OXCT1: variants seen among roughly 807,000 people sequenced by gnomAD.
OXCT1 encodes the protein succinyl-CoA:3-ketoacid coenzyme A transferase 1, mitochondrial.
Under a neutral mutation model 69.6 loss-of-function variants are expected in OXCT1, and 27 were observed. The observed-to-expected ratio is 0.39, with a 90% CI of 0.29 to 0.54. OXCT1 has a LOEUF of 0.54. Among genes scored for constraint, OXCT1 ranks in the 20% least tolerant of loss-of-function variants. OXCT1 has a pLI of 0.72. For synonymous variants in OXCT1, 202 were observed against 217.8 expected (o/e 0.93, Z 0.64); for missense variants, 437 against 650.2 (o/e 0.67, Z 3.57).
At chr5:41,792,137 A>G (rs979975201) in intron 13 of OXCT1, among the ~76,000 whole-genome samples, 1 of 152,286 alleles carries the variant, frequency 6.6e-6, no homozygotes, top group Admixed American at 6.5e-5. Context: ...CCTATTTACC[A>G]GGTACTAAGT....
intron 11 of OXCT1, among the ~76,000 whole-genome samples, chr5:41,797,665 T>C (rs1466239351): frequency 6.6e-6 from 1 of 152,166 alleles, no homozygotes; most frequent in Admixed American, 6.5e-5. Context: ...ATCCACACAA[T>C]AGTAAATGCC....
chr5:41,834,487 C>CA (rs1209653207), intron 7 of OXCT1, among the ~76,000 whole-genome samples: 10,445 of 74,788 alleles, frequency 0.14, 1,098 homozygotes, highest in African/African-American at 0.36. Flanking sequence ...TGGAAACCCA[C>CA]AAAAAAAAAA....
chr5:41,788,064 G>A (rs1199199678), intron 13 of OXCT1, among the ~76,000 whole-genome samples: 2 of 152,074 alleles, frequency 1.3e-5, no homozygotes, highest in African/African-American at 4.8e-5. Context: ...AAATAATAGC[G>A]AAGTATAAGG....
intron 11 of OXCT1, among the ~76,000 whole-genome samples, chr5:41,799,282 C>T (rs530602323): frequency 6.6e-6 from 1 of 152,244 alleles, no homozygotes; most frequent in South Asian, 2.1e-4. Flanking sequence ...ATTCTAGGCT[C>T]TCCAGCTTAA....
At chr5:41,831,963 A>C (rs563369364) in intron 7 of OXCT1, among the ~76,000 whole-genome samples, 1 of 152,290 alleles carries the variant, frequency 6.6e-6, no homozygotes, top group East Asian at 1.9e-4. Flanking sequence ...TAACCTCCTA[A>C]AAAGAGATGG....
At chr5:41,853,745 A>C in intron 3 of OXCT1, 191 bp from the exon 4 acceptor site, 2 of 698,640 alleles carry the variant, frequency 2.9e-6, no homozygotes, top group Non-Finnish European at 5.1e-6. Flanking sequence ...ACAGTTGAGG[A>C]AACTAAAAGT....
chr5:41,852,147 C>G (rs984000975), intron 4 of OXCT1, among the ~76,000 whole-genome samples: 4 of 152,192 alleles, frequency 2.6e-5, no homozygotes, highest in Admixed American at 2.0e-4. Context: ...GTTTAAGCCA[C>G]CAGTCTGTGA....
intron 3 of OXCT1, among the ~76,000 whole-genome samples, chr5:41,859,059 C>G (rs1023178730): frequency 6.6e-6 from 1 of 152,194 alleles, no homozygotes; most frequent in African/African-American, 2.4e-5. Flanking sequence ...GAGCTATCAT[C>G]ATCCTACTCC....
At chr5:41,791,840 C>T (rs533605895) in intron 13 of OXCT1, among the ~76,000 whole-genome samples, 3 of 151,876 alleles carry the variant, frequency 2.0e-5, no homozygotes, top group East Asian at 1.9e-4. Flanking sequence ...CTCGCTCTTT[C>T]GCCCACAGGC....
chr5:41,786,378 G>C (rs886603236), intron 13 of OXCT1, among the ~76,000 whole-genome samples: 3 of 152,094 alleles, frequency 2.0e-5, no homozygotes, highest in African/African-American at 7.2e-5. Context: ...CCTTTCTCTT[G>C]AATTTTGATC....
chr5:41,777,527 A>G (rs556419343), intron 13 of OXCT1, among the ~76,000 whole-genome samples: 137 of 152,328 alleles, frequency 9.0e-4, no homozygotes, highest in Non-Finnish European at 1.7e-3. Context: ...GAGGTAATCG[A>G]ATCCCCATAA....
intron 11 of OXCT1, among the ~76,000 whole-genome samples, chr5:41,800,485 G>C (rs1746371367): frequency 6.6e-6 from 1 of 151,736 alleles, no homozygotes; most frequent in South Asian, 2.1e-4. Context: ...AGGCAACCCA[G>C]CAGAGGACAC....
intron 13 of OXCT1, among the ~76,000 whole-genome samples, chr5:41,763,949 A>C (rs1270030493): frequency 6.6e-6 from 1 of 152,128 alleles, no homozygotes; most frequent in East Asian, 1.9e-4. Context: ...TTAGTTTAGA[A>C]ATATGTATAG....
chr5:41,866,487 G>A (rs148051978), intron 1 of OXCT1, among the ~76,000 whole-genome samples: 2,062 of 152,296 alleles, frequency 0.014, 99 homozygotes, highest in South Asian at 0.079. Context: ...GTTATATGGA[G>A]AGAAGTAAAG....
rs1554011237 is a variant in OXCT1, at chr5:41,767,722, G to GTGTATATATATATATATA, written c.1249-5523_1249-5522insTATATATATATATATACA. On this transcript the variant is annotated intron_variant, in intron 13 of 16. Coordinates refer to ENST00000196371, the MANE Select transcript of OXCT1 (RefSeq NM_000436.4). The stretch of plus-strand genomic sequence containing the variant: ...TCTAGTATCTAATATATATGTGTGT[G>GTGTATATATATATATATA]TATATATATATATATATATATATAT... Among the ~76,000 whole-genome samples, 21 of 89,950 alleles carry GTGTATATATATATATATA rather than the reference G, an allele frequency of 2.3e-4. 1 individual carries two copies. Among genetic ancestry groups the GTGTATATATATATATATA allele is most frequent in the African/African-American group, 9.2e-4 (17 of 18,576 alleles). The allele number at this position is 89,950 out of a possible 152,430, so 59.0% of individuals were successfully genotyped here. A position where few individuals can be genotyped will look rare whatever the true frequency, so the allele number is the denominator to read the frequency against.
chr5:41,804,600 C>T (rs1366004451), intron 9 of OXCT1, among the ~76,000 whole-genome samples: 3 of 152,110 alleles, frequency 2.0e-5, no homozygotes, highest in South Asian at 2.1e-4. Context: ...GTTGACACCA[C>T]ACCTTGCTGA....
chr5:41,761,198 A>G (rs1047649381), intron 14 of OXCT1, among the ~76,000 whole-genome samples: 1 of 152,142 alleles, frequency 6.6e-6, no homozygotes, highest in Admixed American at 6.6e-5. Flanking sequence ...GTCCAAAGAC[A>G]CTGAGTCAGG....
At chr5:41,837,459 T>C (rs1201194815) in intron 7 of OXCT1, among the ~76,000 whole-genome samples, 1 of 151,456 alleles carries the variant, frequency 6.6e-6, no homozygotes, top group Non-Finnish European at 1.5e-5. Context: ...GGCTAGACAA[T>C]CGAATGAAAA....
intron 11 of OXCT1, among the ~76,000 whole-genome samples, chr5:41,798,380 C>A (rs1174871910): frequency 6.6e-6 from 1 of 152,136 alleles, no homozygotes; most frequent in Non-Finnish European, 1.5e-5. Context: ...CTGCTTAGCA[C>A]TATTGAGCAT....
Sources: allele counts gnomAD v4.1 joint callset (sites outside exome capture counted in the v4.1 genomes callset), GRCh38; gene constraint gnomAD v4.1.1; transcripts MANE v1.5; gene names NCBI Gene and HGNC (gene_info 2026-07-23, HGNC 2026-07-21).